CWH43: variants seen among roughly 807,000 people sequenced by gnomAD.
CWH43 encodes the protein PGAP2-interacting protein.
In CWH43, 91 loss-of-function variants were observed where a neutral mutation model predicts 85.7. The observed-to-expected ratio is 1.06, with a 90% CI of 0.90 to 1.26. The LOEUF (loss-of-function observed/expected upper bound fraction) is 1.26, where lower values mean the gene tolerates loss of function less well. Among genes scored for constraint, CWH43 ranks in the 50% most tolerant of loss-of-function variants. CWH43 has a pLI of 0.00. For synonymous variants in CWH43, 323 were observed against 293.6 expected, an observed-to-expected ratio of 1.10 and a Z score of -1.02; for missense variants, 869 against 839.2, an observed-to-expected ratio of 1.04 and a Z score of -0.44.
At chr4:49,021,321 A>G (rs1032888979) in intron 9 of CWH43, among the ~76,000 whole-genome samples, 24 of 151,770 alleles carry the variant, frequency 1.6e-4, no homozygotes, top group African/African-American at 5.8e-4. Context: ...GTCCTTTTCC[A>G]CTTTATGTTT....
At chr4:49,034,865 G>A (rs1784218429) in intron 12 of CWH43, among the ~76,000 whole-genome samples, 1 of 152,194 alleles carries the variant, frequency 6.6e-6, no homozygotes, top group South Asian at 2.1e-4. Context: ...CATGAATGTA[G>A]TAAGTGCTCA....
chr4:49,039,362 T>TACAC (rs1164648274), intron 13 of CWH43, among the ~76,000 whole-genome samples: 3 of 103,798 alleles, frequency 2.9e-5, no homozygotes, highest in South Asian at 2.9e-4. Context: ...GATATATATA[T>TACAC]ACTGATGTAT....
intron 1 of CWH43, chr4:48,986,746 C>A: frequency 7.7e-7 from 1 of 1,295,352 alleles, no homozygotes; most frequent in South Asian, 2.2e-5. Context: ...GCCCAAGGAG[C>A]GCGAATTCTC....
intron 14 of CWH43, among the ~76,000 whole-genome samples, chr4:49,049,659 A>G (rs2109838115): frequency 6.6e-6 from 1 of 152,172 alleles, no homozygotes; most frequent in African/African-American, 2.4e-5. Flanking sequence ...CCCGCAAAAC[A>G]CCAAGCATAT....
chr4:49,055,783 T>C (rs1240153699), intron 15 of CWH43, among the ~76,000 whole-genome samples: 1 of 152,080 alleles, frequency 6.6e-6, no homozygotes, highest in Non-Finnish European at 1.5e-5. Context: ...AGAGATAGGG[T>C]TTCGCCATGT....
rs1301412313 is a variant in CWH43, at chr4:49,038,099, T to A, written c.1722T>A (p.Asn574Lys). ...AVSKLLKSSS[N>K]QVIFLGYITS... ...CAAAACTACTGAAAAGTAGCTCTAA[T>A]CAAGTGATATTTCTGGGATATATCA... The change falls in exon 13 of 16, where the codon AAT becomes AAA. Residue 574 changes from asparagine (N) to lysine (K), a missense_variant. By Grantham distance (94) the Asn-to-Lys change is moderately conservative. This residue lies in a region of CWH43 where 577 missense variants were observed against 513.1 expected (regional missense o/e 1.12). Coordinates refer to ENST00000226432, the MANE Select transcript of CWH43 (RefSeq NM_025087.3). 1 of 1,613,152 alleles carries A rather than the reference T, an allele frequency of 6.2e-7. No individual in the cohort carries two copies. The highest frequency in any genetic ancestry group is 1.3e-5 in the African/African-American group (1 of 74,908).
At chr4:49,041,564 A>T (rs948109392) in intron 13 of CWH43, among the ~76,000 whole-genome samples, 1 of 152,200 alleles carries the variant, frequency 6.6e-6, no homozygotes, top group African/African-American at 2.4e-5. Context: ...TTGGTGTATA[A>T]GAATGCTTGT....
intron 8 of CWH43, chr4:49,017,048 G>A (rs1783571121): frequency 1.1e-5 from 8 of 742,566 alleles, no homozygotes; most frequent in South Asian, 2.8e-5. Flanking sequence ...CCACCTCAGC[G>A]TCGGCTGGCA....
chr4:49,007,473 C>CTA (rs1783196845), intron 8 of CWH43, 147 bp downstream of exon 8: 1 of 1,050,482 alleles, frequency 9.5e-7, no homozygotes, highest in Admixed American at 3.5e-5. Flanking sequence ...GCTATCTTCT[C>CTA]TAGTTTTTTT....
chr4:49,004,431 C>T (rs1317100892), intron 7 of CWH43, among the ~76,000 whole-genome samples: 1 of 152,138 alleles, frequency 6.6e-6, no homozygotes, highest in Non-Finnish European at 1.5e-5. Context: ...GAGATGAGGT[C>T]TTACTCTGGC....
chr4:49,057,631 T>C (rs1216396776), intron 15 of CWH43, among the ~76,000 whole-genome samples: 1 of 152,198 alleles, frequency 6.6e-6, no homozygotes, highest in South Asian at 2.1e-4. Context: ...TTAGGTCGAT[T>C]TGGTCTATAG....
At chr4:49,030,703 TA>T (rs972319643) in intron 10 of CWH43, 121 bp from the exon 11 acceptor site, 41 of 842,148 alleles carry the variant, frequency 4.9e-5, no homozygotes, top group Non-Finnish European at 5.9e-5. Flanking sequence ...CACTAATAAT[TA>T]CTTTGTTTTT....
intron 9 of CWH43, among the ~76,000 whole-genome samples, chr4:49,023,143 C>T (rs1332838398): frequency 6.6e-6 from 1 of 152,046 alleles, no homozygotes; most frequent in Admixed American, 6.6e-5. Flanking sequence ...TCTATTTGTG[C>T]TGTTTCAAAC....
In CWH43 at chr4:49,017,282, G is replaced by A. The variant is rs765646676; in HGVS notation, c.1220G>A (p.Gly407Glu). The change falls in exon 9 of 16, where the codon GGA becomes GAA. Residue 407 changes from glycine (G) to glutamate (E), a missense_variant. By Grantham distance (98) the Gly-to-Glu change is moderately conservative. Coordinates refer to ENST00000226432, the MANE Select transcript of CWH43 (RefSeq NM_025087.3). Reference sequence around the variant, plus strand: ...CTGCTTGTTGGTGTGGGATTGTTGGGATTAGGACTACGGCATAAAGCCTAT... The same window carrying A: ...CTGCTTGTTGGTGTGGGATTGTTGGAATTAGGACTACGGCATAAAGCCTAT... ...LWLLVGVGLLGLGLRHKAYER... is the reference protein window; with the variant it reads ...LWLLVGVGLLELGLRHKAYER... The A allele has an allele frequency of 6.2e-7, 1 of 1,612,360 alleles. No individual in the cohort carries two copies. The highest frequency in any genetic ancestry group is 8.5e-7 in the Non-Finnish European group (1 of 1,179,032).
chr4:49,058,203 G>GT (rs1007247572), intron 15 of CWH43, among the ~76,000 whole-genome samples: 3 of 151,958 alleles, frequency 2.0e-5, no homozygotes, highest in Non-Finnish European at 4.4e-5. Flanking sequence ...GATTTGATGA[G>GT]TTTTTTGGTA....
chr4:49,024,681 A>C (rs1295031867), intron 9 of CWH43, among the ~76,000 whole-genome samples: 1 of 152,164 alleles, frequency 6.6e-6, no homozygotes, highest in East Asian at 1.9e-4. Flanking sequence ...ATAGGACCCT[A>C]ATCTATTCTA....
At chr4:49,027,430 T>A (rs1783950880) in intron 9 of CWH43, among the ~76,000 whole-genome samples, 1 of 152,182 alleles carries the variant, frequency 6.6e-6, no homozygotes, top group Non-Finnish European at 1.5e-5. Flanking sequence ...TGAATAGTTG[T>A]AAGAAAAAGG....
intron 13 of CWH43, among the ~76,000 whole-genome samples, chr4:49,043,880 G>T (rs1442575185): frequency 2.6e-5 from 4 of 151,564 alleles, no homozygotes; most frequent in African/African-American, 7.3e-5. Flanking sequence ...TATACAAAAG[G>T]TATATGTATG....
intron 4 of CWH43, 91 bp from the exon 5 acceptor site, chr4:48,994,528 A>G (rs1782751019): frequency 1.9e-6 from 2 of 1,075,340 alleles, no homozygotes; most frequent in Non-Finnish European, 2.8e-6. Flanking sequence ...GAAGCCAAAT[A>G]CCATTTCTTC....
Sources: allele counts gnomAD v4.1 joint callset (sites outside exome capture counted in the v4.1 genomes callset), GRCh38; gene constraint gnomAD v4.1.1; regional missense constraint gnomAD v4.1.1; transcripts MANE v1.5; gene names NCBI Gene and HGNC (gene_info 2026-07-23, HGNC 2026-07-21).